Variants in TPCN2 observed in about 807,000 individuals in gnomAD.
The protein encoded by TPCN2 is two pore segment channel 2.
In TPCN2, 92 loss-of-function variants were observed where a neutral mutation model predicts 111.4. That is an observed-to-expected ratio of 0.83 (90% CI 0.70 to 0.98). TPCN2 has a LOEUF of 0.98. Ranked by LOEUF, TPCN2 falls within the 50% of genes least tolerant of loss-of-function variation. TPCN2 has a pLI of 0.00. For synonymous variants in TPCN2, 405 were observed against 414.5 expected, an observed-to-expected ratio of 0.98 and a Z score of 0.28; for missense variants, 995 against 980.1, an observed-to-expected ratio of 1.02 and a Z score of -0.20.
Position 69,085,764 on chromosome 11 carries a change from G to A in TPCN2, c.1920+12G>A, listed in dbSNP as rs766368289. ...TCGATGACTTTGCGGTGAGCCCTGC[G>A]CCCTGTCCCAGCACCCTGCTCCCCG... On this transcript the variant is annotated intron_variant, in intron 21 of 24. Transcript: ENST00000294309. 2.4e-5 allele frequency: 39 copies of A among 1,613,662 alleles called. No individual in the cohort carries two copies. The highest frequency in any genetic ancestry group is 3.3e-4 in the Middle Eastern group (2 of 6,084).
chr11:69,070,788 C>T (rs1419356285), intron 9 of TPCN2, among the ~76,000 whole-genome samples: 3 of 147,326 alleles, frequency 2.0e-5, no homozygotes, highest in Non-Finnish European at 3.0e-5. Context: ...CAGCTTCACC[C>T]GAGGGATCCC....
intron 10 of TPCN2, 46 bp from the exon 11 acceptor site, chr11:69,071,877 G>A: frequency 6.4e-7 from 1 of 1,573,452 alleles, no homozygotes; most frequent in Admixed American, 1.7e-5. Flanking sequence ...GGGGTTCTGA[G>A]CTGGGGGAGG....
intron 9 of TPCN2, 81 bp from the exon 10 acceptor site, chr11:69,071,275 G>A (rs1461224224): frequency 2.7e-6 from 3 of 1,121,664 alleles, no homozygotes; most frequent in Non-Finnish European, 2.7e-6. Context: ...CCGGCGCTGT[G>A]CTATCCTGTG....
rs1565091272 is a variant in TPCN2, at chr11:69,076,721, TCCTGCTGTGTCCCTCCA to T, written c.1231-1755_1231-1739del. 2.6e-3 allele frequency among the ~76,000 whole-genome samples: 50 copies of T among 19,318 alleles called. 10 individuals carry two copies. Among genetic ancestry groups the T allele is most frequent in the Admixed American group, 3.3e-3 (11 of 3,316 alleles). The allele number at this position is 19,318 out of a possible 152,430, so 12.7% of individuals were successfully genotyped here. On this transcript the variant is annotated intron_variant, in intron 13 of 24. Coordinates refer to ENST00000294309, the MANE Select transcript of TPCN2 (RefSeq NM_139075.4). ...TCCTGCCGTGTCCCTCCACCTGCCC[TCCTGCTGTGTCCCTCCA>T]CCTGCCCTCCTGCTGTGTCCCTCCA... is the stretch of plus-strand genomic sequence containing the variant.
intron 17 of TPCN2, among the ~76,000 whole-genome samples, chr11:69,081,017 G>C (rs1288926606): frequency 6.6e-6 from 1 of 152,080 alleles, no homozygotes; most frequent in Non-Finnish European, 1.5e-5. Flanking sequence ...AGGAGACCGG[G>C]GCAGGAGACA....
chr11:69,076,881 T>C (rs1166211727), intron 13 of TPCN2, among the ~76,000 whole-genome samples: 8 of 77,032 alleles, frequency 1.0e-4, no homozygotes, highest in East Asian at 5.6e-4. Context: ...GTCCCTCCAC[T>C]TGCCCTCCTG....
chr11:69,055,741 G>A (rs376302134), intron 4 of TPCN2, among the ~76,000 whole-genome samples: 43 of 149,556 alleles, frequency 2.9e-4, no homozygotes, highest in Non-Finnish European at 5.1e-4. Context: ...CCACCATGCA[G>A]ACTGAGCCCA....
intron 13 of TPCN2, among the ~76,000 whole-genome samples, chr11:69,075,075 C>T (rs1027987229): frequency 5.3e-5 from 8 of 152,224 alleles, no homozygotes; most frequent in African/African-American, 1.4e-4. Flanking sequence ...AGGCCCAACA[C>T]GCAGGCCTGG....
At position 69,070,626 on chromosome 11, in the gene TPCN2, CCCTGCCAACAGCTTTTAA is replaced by C. The variant is rs1467210643; in HGVS notation, c.895+134_895+151del. 3 of 671,686 alleles carry C rather than the reference CCCTGCCAACAGCTTTTAA, an allele frequency of 4.5e-6. No individual in the cohort carries two copies. The East Asian group carries it at 8.8e-5, about 20-fold the overall frequency. The allele number at this position is 671,686 out of a possible 1,614,324, so 41.6% of individuals were successfully genotyped here. A position where few individuals can be genotyped will look rare whatever the true frequency, so the allele number is the denominator to read the frequency against. ...CACTCCAGAGATCACCCCAGGGATC[CCCTGCCAACAGCTTTTAA>C]CCCCAGAGATCCCCCACCAACAGCT... On this transcript the variant is annotated intron_variant, in intron 9 of 24. Transcript: ENST00000294309.
intron 7 of TPCN2, among the ~76,000 whole-genome samples, chr11:69,066,131 C>T (rs984753384): frequency 6.6e-6 from 1 of 152,084 alleles, no homozygotes; most frequent in African/African-American, 2.4e-5. Flanking sequence ...GGCCCTAAAC[C>T]TTGCTCCATG....
chr11:69,077,371 C>CTGCCCTCCTGCCATGTTCCTCCACT (rs1194687453), intron 13 of TPCN2, among the ~76,000 whole-genome samples: 1 of 62,012 alleles, frequency 1.6e-5, no homozygotes, highest in Non-Finnish European at 3.9e-5. Flanking sequence ...GTCCCTCCAC[C>CTGCCCTCCTGCCATGTTCCTCCACT]TGCCCTCCTG....
intron 13 of TPCN2, 151 bp from the exon 14 acceptor site, chr11:69,078,331 T>C: frequency 1.0e-6 from 1 of 983,596 alleles, no homozygotes; most frequent in Non-Finnish European, 1.5e-6. Context: ...GCGATTTCTG[T>C]GTCTGGGATT....
chr11:69,077,342 T>TCACCTGCCCTCCTGCCATGTCCCTC (rs1565091892), intron 13 of TPCN2, among the ~76,000 whole-genome samples: 10 of 8,506 alleles, frequency 1.2e-3, no homozygotes, highest in South Asian at 2.5e-3. Context: ...CTGTGTCCCT[T>TCACCTGCCCTCCTGCCATGTCCCTC]CACCTGCCCT....
At chr11:69,067,949 G>A (rs1340795977) in intron 8 of TPCN2, among the ~76,000 whole-genome samples, 1 of 152,074 alleles carries the variant, frequency 6.6e-6, no homozygotes, top group Non-Finnish European at 1.5e-5. Flanking sequence ...TCTTCATAGG[G>A]CGATGATGGC....
chr11:69,071,106 CCCCCACCAACAG>C (rs1353063896), intron 9 of TPCN2, among the ~76,000 whole-genome samples: 1 of 71,504 alleles, frequency 1.4e-5, no homozygotes, highest in East Asian at 3.1e-4. Flanking sequence ...CCCCAGGGAT[CCCCCACCAACAG>C]CTTCACCCCA....
chr11:69,054,140 C>T (rs748703383), intron 2 of TPCN2, 43 bp downstream of exon 2: 44 of 1,569,620 alleles, frequency 2.8e-5, no homozygotes, highest in East Asian at 6.7e-5. Flanking sequence ...GGGGGGTGGC[C>T]GCCCTCCGAT....
At chr11:69,055,432 T>G (rs1854712373) in intron 4 of TPCN2, 80 bp downstream of exon 4, 1 of 1,371,802 alleles carries the variant, frequency 7.3e-7, no homozygotes, top group Non-Finnish European at 9.7e-7. Flanking sequence ...TATTGCTGAT[T>G]CTCTGGAGTG....
intron 5 of TPCN2, among the ~76,000 whole-genome samples, chr11:69,059,749 G>A (rs751157515): frequency 2.0e-4 from 31 of 152,228 alleles, no homozygotes; most frequent in Non-Finnish European, 4.1e-4. Flanking sequence ...TTGGAGGCAG[G>A]GCAGGCAGAT....
intron 1 of TPCN2, among the ~76,000 whole-genome samples, chr11:69,051,590 A>T (rs539090025): frequency 1.3e-5 from 2 of 152,290 alleles, no homozygotes; most frequent in Middle Eastern, 6.8e-3. Flanking sequence ...AGAGGCTTGG[A>T]TTAGGAAGCC....
Sources: allele counts gnomAD v4.1 joint callset (sites outside exome capture counted in the v4.1 genomes callset), GRCh38; gene constraint gnomAD v4.1.1; transcripts MANE v1.5; gene names NCBI Gene and HGNC (gene_info 2026-07-23, HGNC 2026-07-21).